The following STXBP5L variants were observed in gnomAD, a reference collection of about 807,000 sequenced individuals.
STXBP5L encodes the protein syntaxin-binding protein 5-like.
STXBP5L carries 65 observed loss-of-function variants against 144.5 expected under a neutral mutation model. That is an observed-to-expected ratio of 0.45 (90% CI 0.37 to 0.55). STXBP5L has a LOEUF of 0.55. Among genes scored for constraint, STXBP5L ranks in the 20% least tolerant of loss-of-function variants. STXBP5L has a pLI of 0.00. For missense variants in STXBP5L, 1,298 were observed against 1,405.5 expected (o/e 0.92, Z 1.22); for synonymous variants, 505 against 469.6 (o/e 1.08, Z -0.97).
intron 3 of STXBP5L, among the ~76,000 whole-genome samples, chr3:120,965,112 G>C (rs1190104654): frequency 6.6e-6 from 1 of 150,972 alleles, no homozygotes; most frequent in Non-Finnish European, 1.5e-5. Context: ...TTTTTTGCTT[G>C]TTTGTTTTCC....
chr3:121,154,450 C>A (rs969130499), intron 8 of STXBP5L, among the ~76,000 whole-genome samples: 3 of 151,640 alleles, frequency 2.0e-5, no homozygotes, highest in African/African-American at 7.3e-5. Flanking sequence ...TGTGGCTTTA[C>A]CTCAGTTTCT....
intron 22 of STXBP5L, among the ~76,000 whole-genome samples, chr3:121,401,572 T>G (rs2046874449): frequency 7.1e-6 from 1 of 141,142 alleles, no homozygotes; most frequent in South Asian, 2.5e-4. Flanking sequence ...CCATAAAAAA[T>G]GATGAGTTCA....
chr3:121,159,957 G>A (rs932649261), intron 9 of STXBP5L, among the ~76,000 whole-genome samples: 1 of 152,098 alleles, frequency 6.6e-6, no homozygotes, highest in Non-Finnish European at 1.5e-5. Flanking sequence ...TTACATAAAG[G>A]TCAAACTTGA....
At chr3:121,333,642 A>G (rs1390535104) in intron 20 of STXBP5L, among the ~76,000 whole-genome samples, 2 of 152,168 alleles carry the variant, frequency 1.3e-5, no homozygotes. Flanking sequence ...AGGGTAATAA[A>G]GAGTAAAAGA....
At chr3:121,370,908 T>C (rs1333819036) in intron 20 of STXBP5L, among the ~76,000 whole-genome samples, 1 of 152,226 alleles carries the variant, frequency 6.6e-6, no homozygotes, top group Admixed American at 6.5e-5. Context: ...CGCTCCTGTA[T>C]TATTTTATTG....
chr3:121,128,665 G>T (rs2044828578), intron 7 of STXBP5L, among the ~76,000 whole-genome samples: 1 of 152,008 alleles, frequency 6.6e-6, no homozygotes, highest in South Asian at 2.1e-4. Flanking sequence ...GGCTGGAGTG[G>T]CAATGCAGGA....
chr3:121,321,712 G>A (rs1368036989), intron 20 of STXBP5L, among the ~76,000 whole-genome samples: 2 of 152,212 alleles, frequency 1.3e-5, no homozygotes, highest in African/African-American at 2.4e-5. Flanking sequence ...GTATCTGTTT[G>A]GGAATCTCAG....
At chr3:121,342,087 A>G (rs1477297528) in intron 20 of STXBP5L, among the ~76,000 whole-genome samples, 1 of 152,048 alleles carries the variant, frequency 6.6e-6, no homozygotes, top group Non-Finnish European at 1.5e-5. Flanking sequence ...GTATCAATAT[A>G]TGTCATGTAC....
At chr3:121,357,991 G>A (rs978269117) in intron 20 of STXBP5L, 7 of 151,684 alleles carry the variant, frequency 4.6e-5, no homozygotes, top group Admixed American at 6.6e-5. Context: ...AAAATATTGT[G>A]GGTGCATTGT....
chr3:121,095,282 A>T (rs1576937577), intron 5 of STXBP5L, among the ~76,000 whole-genome samples: 2 of 152,050 alleles, frequency 1.3e-5, no homozygotes, highest in East Asian at 1.9e-4. Flanking sequence ...GCTCTTCTCG[A>T]GGAGTATCTT....
intron 10 of STXBP5L, among the ~76,000 whole-genome samples, chr3:121,221,418 C>A (rs1244986195): frequency 1.3e-5 from 2 of 151,426 alleles, no homozygotes; most frequent in East Asian, 3.9e-4. Context: ...TACTTTTACA[C>A]AGGAAAAAAA....
chr3:120,984,383 C>T (rs1942086561), intron 3 of STXBP5L, among the ~76,000 whole-genome samples: 1 of 152,106 alleles, frequency 6.6e-6, no homozygotes, highest in Admixed American at 6.6e-5. Flanking sequence ...TGAATAGTTT[C>T]TTGAATTTTT....
intron 3 of STXBP5L, among the ~76,000 whole-genome samples, chr3:120,991,891 A>G (rs1263312839): frequency 6.6e-6 from 1 of 152,156 alleles, no homozygotes; most frequent in African/African-American, 2.4e-5. Flanking sequence ...CAGCATACCA[A>G]CATGGCACAT....
intron 5 of STXBP5L, among the ~76,000 whole-genome samples, chr3:121,092,220 G>T (rs992862976): frequency 3.3e-5 from 5 of 152,076 alleles, no homozygotes; most frequent in African/African-American, 1.2e-4. Flanking sequence ...CTCCAGCTTT[G>T]TTCTTTTGGC....
intron 19 of STXBP5L, among the ~76,000 whole-genome samples, chr3:121,317,141 T>C (rs962102255): frequency 1.3e-5 from 2 of 152,216 alleles, no homozygotes; most frequent in Admixed American, 6.5e-5. Flanking sequence ...GTAAATATTA[T>C]GTGTACTATG....
At chr3:121,201,000 T>A (rs540021146) in intron 9 of STXBP5L, among the ~76,000 whole-genome samples, 1 of 152,190 alleles carries the variant, frequency 6.6e-6, no homozygotes, top group Non-Finnish European at 1.5e-5. Flanking sequence ...CTATTAGGTC[T>A]TCTTGGTCCA....
At chr3:121,195,518 T>C (rs1198603583) in intron 9 of STXBP5L, among the ~76,000 whole-genome samples, 1 of 152,192 alleles carries the variant, frequency 6.6e-6, no homozygotes, top group Non-Finnish European at 1.5e-5. Flanking sequence ...GATAATGCAA[T>C]ATTTGTCTTT....
intron 20 of STXBP5L, among the ~76,000 whole-genome samples, chr3:121,326,063 A>G (rs1245992668): frequency 2.6e-5 from 4 of 151,970 alleles, no homozygotes; most frequent in Non-Finnish European, 4.4e-5. Context: ...CAAAATAGAC[A>G]TTAATCTTAA....
intron 10 of STXBP5L, among the ~76,000 whole-genome samples, chr3:121,215,993 T>C (rs2048763191): frequency 6.6e-6 from 1 of 152,228 alleles, no homozygotes; most frequent in African/African-American, 2.4e-5. Flanking sequence ...CTTATCAATT[T>C]GGCTATTGAT....
Sources: allele counts gnomAD v4.1 joint callset (sites outside exome capture counted in the v4.1 genomes callset), GRCh38; gene constraint gnomAD v4.1.1; transcripts MANE v1.5; gene names NCBI Gene and HGNC (gene_info 2026-07-23, HGNC 2026-07-21).